Variants in SERAC1 observed in about 807,000 individuals in gnomAD.
SERAC1 encodes the protein protein SERAC1.
A neutral mutation model predicts 85.7 loss-of-function variants in SERAC1; 36 were observed. The ratio of observed to expected loss-of-function variants is 0.42; its 90% CI spans 0.32 to 0.55. SERAC1 has a LOEUF of 0.55. Among genes scored for constraint, SERAC1 ranks in the 20% least tolerant of loss-of-function variants. The pLI is 0.11. For synonymous variants in SERAC1, 242 were observed against 265.3 expected (o/e 0.91, Z 0.85); for missense variants, 629 against 796.2 (o/e 0.79, Z 2.53).
intron 3 of SERAC1, among the ~76,000 whole-genome samples, chr6:158,153,287 C>T (rs778764690): frequency 1.3e-5 from 2 of 152,244 alleles, no homozygotes; most frequent in African/African-American, 4.8e-5. Flanking sequence ...ATGTAGTTCC[C>T]GCACTTAGAT....
At chr6:158,114,282 C>T (rs1055152739) in intron 15 of SERAC1, among the ~76,000 whole-genome samples, 4 of 152,124 alleles carry the variant, frequency 2.6e-5, no homozygotes, top group Admixed American at 2.6e-4. Flanking sequence ...AAGAGATTCT[C>T]CATAAAGTAG....
At chr6:158,152,158 C>T (rs1368645598) in intron 3 of SERAC1, among the ~76,000 whole-genome samples, 1 of 152,160 alleles carries the variant, frequency 6.6e-6, no homozygotes. Context: ...GCAGGAGGAT[C>T]ACTTGCATCC....
intron 3 of SERAC1, among the ~76,000 whole-genome samples, chr6:158,154,891 CGT>C (rs1785290008): frequency 6.6e-6 from 1 of 150,486 alleles, no homozygotes; most frequent in Non-Finnish European, 1.5e-5. Context: ...CCGATTTAAG[CGT>C]GCCGGAGCTG....
At chr6:158,112,441 T>A (rs540845733) in intron 16 of SERAC1, 1 of 133,572 alleles carries the variant, frequency 7.5e-6, no homozygotes, top group East Asian at 2.4e-4. Context: ...AACTATGCTG[T>A]TGCTTCAAGC....
chr6:158,139,164 C>G (rs1349991411), intron 8 of SERAC1, among the ~76,000 whole-genome samples: 1 of 152,128 alleles, frequency 6.6e-6, no homozygotes, highest in Non-Finnish European at 1.5e-5. Flanking sequence ...CTCAGCCTCC[C>G]AAAGTGCTAG....
intron 16 of SERAC1, chr6:158,112,426 C>CAA (rs200021270): frequency 6.6e-6 from 1 of 150,540 alleles, no homozygotes; most frequent in Non-Finnish European, 1.5e-5. Flanking sequence ...AAAACAAAAA[C>CAA]AAAAAACTAT....
At position 158,117,755 on chromosome 6, in the gene SERAC1, C is replaced by A. The variant is rs189064007; in HGVS notation, c.1375G>T (p.Asp459Tyr). 2 of 1,614,134 alleles carry A rather than the reference C, an allele frequency of 1.2e-6. No homozygotes were observed. The highest frequency in any genetic ancestry group is 2.2e-5 in the East Asian group (1 of 44,884). Residue 459 changes from aspartate (D) to tyrosine (Y), a missense_variant, in exon 13 of 17, where the codon GAC becomes TAC. By Grantham distance (160) the Asp-to-Tyr change is radical. Transcript: ENST00000647468. This position sits in a 1 kb window ranked among gnomAD's most constrained non-coding sequence, Gnocchi z 4.3. ...TCCATAGGGCACCTTGCTCTCCAGT[C>A]GCTGAGGCTGGTGTCATACTCCACA... ...ISVEYDTSLS[D>Y]WRARCPMERK...
Position 158,119,005 on chromosome 6 carries a change from G to C in SERAC1, c.1308+24C>G. ...CAGCAACCAGGGCCCCAGCAACCAG[G>C]GCCAGAGTCAGTGGCTCCCTTACCT... is the stretch of plus-strand genomic sequence containing the variant. On this transcript the variant is annotated intron_variant, in intron 12 of 16. Transcript: ENST00000647468. This position sits in a 1 kb window ranked among gnomAD's most constrained non-coding sequence, Gnocchi z 4.5. 1 of 1,605,518 alleles carries C rather than the reference G, an allele frequency of 6.2e-7. No homozygotes were observed. The highest frequency in any genetic ancestry group is 8.5e-7 in the Non-Finnish European group (1 of 1,174,906).
At chr6:158,156,879 G>GATATTAATATATTTATATAA (rs1562459796) in intron 2 of SERAC1, among the ~76,000 whole-genome samples, 7,220 of 81,908 alleles carry the variant, frequency 0.088, 492 homozygotes, top group Admixed American at 0.14. Flanking sequence ...TATTTATATA[G>GATATTAATATATTTATATAA]ATATTAATAT....
rs146332216 is a variant in SERAC1 at position 158,131,782 on chromosome 6, A to C, written c.739-1296T>G. Among the ~76,000 whole-genome samples the C allele has an allele frequency of 3.9e-3, 594 of 152,294 alleles. 6 individuals carry two copies. Among genetic ancestry groups the C allele is most frequent in the African/African-American group, 0.014 (569 of 41,564 alleles). On this transcript the variant is annotated intron_variant, in intron 8 of 16. Coordinates refer to ENST00000647468, the MANE Select transcript of SERAC1 (RefSeq NM_032861.4). Reference sequence around the variant, plus strand: ...AAAGTGATAGATATGCAAGTTTGCTAGCTGCTGCATTGTTTGTATAATAAT... The same window carrying C: ...AAAGTGATAGATATGCAAGTTTGCTCGCTGCTGCATTGTTTGTATAATAAT...
chr6:158,135,879 G>A (rs1583581237), intron 8 of SERAC1, among the ~76,000 whole-genome samples: 1 of 152,062 alleles, frequency 6.6e-6, no homozygotes, highest in Non-Finnish European at 1.5e-5. Context: ...GTGCAATCTT[G>A]GCTCACTGCA....
intron 8 of SERAC1, among the ~76,000 whole-genome samples, chr6:158,137,803 C>T (rs1784827848): frequency 6.6e-6 from 1 of 151,934 alleles, no homozygotes; most frequent in African/African-American, 2.4e-5. Context: ...CACTTGAGCC[C>T]AGAAGGTGGA....
At chr6:158,153,666 T>C (rs752850191) in intron 3 of SERAC1, among the ~76,000 whole-genome samples, 6 of 152,190 alleles carry the variant, frequency 3.9e-5, no homozygotes, top group Non-Finnish European at 7.3e-5. Flanking sequence ...GATTTCTTTT[T>C]TCCTAATCAG....
rs1302252945 is a variant in SERAC1 at position 158,109,577 on chromosome 6, A to C, written c.*1789T>G. The C allele has an allele frequency of 6.6e-6, 1 of 152,208 alleles. No individual in the cohort carries two copies. The highest frequency in any genetic ancestry group is 1.5e-5 in the Non-Finnish European group (1 of 68,036). The allele number at this position is 152,208 out of a possible 1,614,324, so 9.4% of individuals were successfully genotyped here. A position where few individuals can be genotyped will look rare whatever the true frequency, so the allele number is the denominator to read the frequency against. On this transcript the variant is annotated 3_prime_UTR_variant, in exon 17 of 17. Transcript: ENST00000647468. ...CCTTCAGATGCCATACTCCAGTTTTAGCTTCGACTATCTCATTCTACAAAA... is the reference window on the plus strand; with the variant it reads ...CCTTCAGATGCCATACTCCAGTTTTCGCTTCGACTATCTCATTCTACAAAA...
Position 158,117,453 on chromosome 6 carries a change from C to G in SERAC1, c.1403+274G>C. On this transcript the variant is annotated intron_variant, in intron 13 of 16. Transcript: ENST00000647468. This position sits in a 1 kb window ranked among gnomAD's most constrained non-coding sequence, Gnocchi z 4.3. ...CTTTTACTTCTGATAGAAAAGGAGA[C>G]TGCTAGACAATCCACGATCCTTCAC... The G allele has an allele frequency of 1.4e-6, 2 of 1,474,926 alleles. No homozygotes were observed. Among genetic ancestry groups the G allele is most frequent in the Non-Finnish European group, 1.8e-6 (2 of 1,087,166 alleles). The allele number at this position is 1,474,926 out of a possible 1,614,324, so 91.4% of individuals were successfully genotyped here.
chr6:158,148,980 A>C, intron 4 of SERAC1, 26 bp from the exon 5 acceptor site: 1 of 1,534,630 alleles, frequency 6.5e-7, no homozygotes, highest in Non-Finnish European at 8.8e-7. Context: ...AATTAAGTAA[A>C]ACCAAGAATG....
At chr6:158,130,772 G>A (rs1010978835) in intron 8 of SERAC1, among the ~76,000 whole-genome samples, 2 of 152,168 alleles carry the variant, frequency 1.3e-5, no homozygotes, top group African/African-American at 4.8e-5. Context: ...CTTTTAACAA[G>A]TAAGAAAAGC....
chr6:158,158,726 T>A (rs1785416407), intron 1 of SERAC1: 1 of 171,100 alleles, frequency 5.8e-6, no homozygotes, highest in Non-Finnish European at 1.3e-5. Flanking sequence ...ATGAAAAAAA[T>A]TTAATGTCTT....
At chr6:158,138,962 C>A (rs1784858044) in intron 8 of SERAC1, among the ~76,000 whole-genome samples, 1 of 152,116 alleles carries the variant, frequency 6.6e-6, no homozygotes, top group Non-Finnish European at 1.5e-5. Flanking sequence ...AGCTGGAGTG[C>A]AGTGGCATGA....
Sources: gnomAD v4.1 joint callset for allele counts (sites outside exome capture counted in the v4.1 genomes callset) on GRCh38, gnomAD v4.1.1 for gene constraint, Gnocchi (gnomAD v3.1) non-coding constraint, MANE v1.5 for transcripts, NCBI Gene and HGNC (gene_info 2026-07-23, HGNC 2026-07-21) for gene names.